NPAS3: variants seen among roughly 807,000 people sequenced by gnomAD.
The protein encoded by NPAS3 is neuronal PAS domain-containing protein 3.
Under a neutral mutation model 73.1 loss-of-function variants are expected in NPAS3, and 14 were observed. The observed-to-expected ratio is 0.19, with a 90% CI of 0.13 to 0.30. The LOEUF (loss-of-function observed/expected upper bound fraction) is 0.30. Among genes scored for constraint, NPAS3 ranks in the 10% least tolerant of loss-of-function variants. The probability of loss-of-function intolerance (pLI) is 1.00; values close to 1 mark genes in which losing one functional copy is unlikely to be tolerated. For synonymous variants in NPAS3, 620 were observed against 541.5 expected (o/e 1.14, Z -2.01); for missense variants, 1,096 against 1,250.0 (o/e 0.88, Z 1.86).
chr14:33,023,513 A>T (rs1369124267), intron 1 of NPAS3, among the ~76,000 whole-genome samples: 1 of 152,176 alleles, frequency 6.6e-6, no homozygotes, highest in African/African-American at 2.4e-5. Flanking sequence ...GTAGGCTGTT[A>T]ACAATTATTG....
At chr14:33,393,254 A>G (rs747004060) in intron 4 of NPAS3, among the ~76,000 whole-genome samples, 7 of 152,212 alleles carry the variant, frequency 4.6e-5, no homozygotes, top group Non-Finnish European at 1.0e-4. Context: ...GATATTTGTT[A>G]AGCTGTGGTC....
At chr14:32,939,399 G>C in intron 1 of NPAS3, 33 bp downstream of exon 1, 1 of 624,650 alleles carries the variant, frequency 1.6e-6, no homozygotes. Context: ...ACCTGCCGCC[G>C]GGCCGCTGCT....
chr14:33,696,123 C>T lies in NPAS3; in HGVS notation c.733+19738C>T, dbSNP rs2060372026. On this transcript the variant is annotated intron_variant, in intron 6 of 11. Transcript: ENST00000356141. ...ACTATTCATCTTCCTCCAATTAGTA[C>T]TCTTGTCTTGTAACTCCCCAGGTTT... Among the ~76,000 whole-genome samples the T allele has an allele frequency of 2.0e-5, 3 of 152,158 alleles. No homozygotes were observed. In the South Asian group the frequency reaches 6.2e-4, roughly 32 times the overall value.
At chr14:33,734,946 C>T (rs1167488277) in intron 6 of NPAS3, among the ~76,000 whole-genome samples, 1 of 152,112 alleles carries the variant, frequency 6.6e-6, no homozygotes, top group Non-Finnish European at 1.5e-5. Flanking sequence ...TTACTTATGA[C>T]GAGACCCCAC....
chr14:33,285,716 TTC>T (rs1231775205), intron 3 of NPAS3, among the ~76,000 whole-genome samples: 3 of 152,234 alleles, frequency 2.0e-5, no homozygotes, highest in Non-Finnish European at 2.9e-5. Flanking sequence ...CTGCTTCTCT[TTC>T]TCTGTCTTGA....
chr14:33,587,575 A>C (rs1001015758), intron 5 of NPAS3, among the ~76,000 whole-genome samples: 2 of 151,870 alleles, frequency 1.3e-5, no homozygotes, highest in Non-Finnish European at 2.9e-5. Context: ...ATAGTACCGG[A>C]CACTTCTCCT....
chr14:33,528,810 C>T (rs2053916845), intron 4 of NPAS3, among the ~76,000 whole-genome samples: 1 of 152,118 alleles, frequency 6.6e-6, no homozygotes, highest in Non-Finnish European at 1.5e-5. Context: ...ATAACAACAG[C>T]AACTGATAAT....
At chr14:33,446,427 G>C (rs977375127) in intron 4 of NPAS3, among the ~76,000 whole-genome samples, 2 of 150,664 alleles carry the variant, frequency 1.3e-5, no homozygotes, top group Admixed American at 6.6e-5. Flanking sequence ...CACCCGCCTC[G>C]GCCTCCCAAA....
chr14:33,639,462 G>T (rs953813641), intron 5 of NPAS3, among the ~76,000 whole-genome samples: 4 of 152,010 alleles, frequency 2.6e-5, no homozygotes, highest in African/African-American at 9.7e-5. Flanking sequence ...TCTGTGTAAG[G>T]TCTCGCTGGT....
intron 2 of NPAS3, among the ~76,000 whole-genome samples, chr14:33,109,962 A>G (rs1315914316): frequency 6.6e-6 from 1 of 151,344 alleles, no homozygotes; most frequent in Non-Finnish European, 1.5e-5. Flanking sequence ...GCCAATTTTA[A>G]TATTTATAAA....
At chr14:33,702,338 C>T (rs575142885) in intron 6 of NPAS3, among the ~76,000 whole-genome samples, 48 of 152,322 alleles carry the variant, frequency 3.2e-4, no homozygotes, top group African/African-American at 1.1e-3. Context: ...ATACTCCTAT[C>T]ATTTTCAGTC....
At chr14:33,788,486 C>G (rs2063247161) in intron 9 of NPAS3, among the ~76,000 whole-genome samples, 1 of 152,208 alleles carries the variant, frequency 6.6e-6, no homozygotes, top group Non-Finnish European at 1.5e-5. Flanking sequence ...TTTTGTGAGA[C>G]ACTTTGCTAA....
At chr14:33,712,026 A>G (rs2060833292) in intron 6 of NPAS3, among the ~76,000 whole-genome samples, 1 of 152,178 alleles carries the variant, frequency 6.6e-6, no homozygotes, top group Admixed American at 6.5e-5. Context: ...CTCAGGCAGA[A>G]GAGATACAAA....
In NPAS3 at chr14:33,764,522, G is replaced by C. The variant is rs184024817; in HGVS notation, c.853-9815G>C. 2.4e-3 allele frequency among the ~76,000 whole-genome samples: 358 copies of C among 152,312 alleles called. 4 individuals carry two copies. Among genetic ancestry groups the C allele is most frequent in the Non-Finnish European group, 6.8e-4 (46 of 68,036 alleles). On this transcript the variant is annotated intron_variant, in intron 7 of 11. Transcript: ENST00000356141. Reference sequence around the variant, plus strand: ...CAATGTAGTACAGTACTTCTTCCTGGGGAGGTGCTAAGTAGGGGGAGTAGG... The same window carrying C: ...CAATGTAGTACAGTACTTCTTCCTGCGGAGGTGCTAAGTAGGGGGAGTAGG...
At chr14:33,565,112 G>A (rs1253033132) in intron 5 of NPAS3, among the ~76,000 whole-genome samples, 1 of 152,206 alleles carries the variant, frequency 6.6e-6, no homozygotes, top group Non-Finnish European at 1.5e-5. Flanking sequence ...GGGCAGGGTG[G>A]CTGCAGATTA....
At chr14:33,074,949 T>A (rs1470046434) in intron 2 of NPAS3, among the ~76,000 whole-genome samples, 1 of 152,198 alleles carries the variant, frequency 6.6e-6, no homozygotes, top group Non-Finnish European at 1.5e-5. Context: ...GAAAAATAAA[T>A]CCTATTTTAG....
chr14:33,014,586 A>G (rs188017742), intron 1 of NPAS3, among the ~76,000 whole-genome samples: 176 of 152,340 alleles, frequency 1.2e-3, no homozygotes, highest in Middle Eastern at 3.4e-3. Context: ...ATGAAAACTT[A>G]GGATATTAAA....
intron 2 of NPAS3, among the ~76,000 whole-genome samples, chr14:33,195,658 T>A (rs2046326492): frequency 6.6e-6 from 1 of 152,262 alleles, no homozygotes; most frequent in Non-Finnish European, 1.5e-5. Flanking sequence ...TGATATTTGT[T>A]ATTAACTAAA....
Position 33,342,141 on chromosome 14 carries a change from A to G in NPAS3, c.386-25045A>G, listed in dbSNP as rs185099540. The stretch of plus-strand genomic sequence containing the variant: ...AATAAATTATTTTTAAGGGAGGGAA[A>G]TTCATGGAGACACAAAGGGGTTGTA... On this transcript the variant is annotated intron_variant, in intron 3 of 11. Transcript: ENST00000356141. 3.0e-3 allele frequency among the ~76,000 whole-genome samples: 460 copies of G among 152,308 alleles called. 3 individuals are homozygous for G. Among genetic ancestry groups the G allele is most frequent in the African/African-American group, 9.9e-3 (410 of 41,564 alleles).
Sources: gnomAD v4.1 joint callset for allele counts (sites outside exome capture counted in the v4.1 genomes callset) on GRCh38, gnomAD v4.1.1 for gene constraint, MANE v1.5 for transcripts, NCBI Gene and HGNC (gene_info 2026-07-23, HGNC 2026-07-21) for gene names.